Variants in STAU2 observed in about 807,000 individuals in gnomAD.
STAU2 encodes double-stranded RNA-binding protein Staufen homolog 2.
Under a neutral mutation model 65.9 loss-of-function variants are expected in STAU2, and 20 were observed. That is an observed-to-expected ratio of 0.30 (90% confidence interval 0.21 to 0.44). The LOEUF is 0.44. Among genes scored for constraint, STAU2 ranks in the 20% least tolerant of loss-of-function variants. The pLI is 1.00. For synonymous variants in STAU2, 232 were observed against 233.9 expected (o/e 0.99, Z 0.07); for missense variants, 558 against 683.9 (o/e 0.82, Z 2.05).
intron 11 of STAU2, among the ~76,000 whole-genome samples, chr8:73,585,061 T>G (rs1213139016): frequency 6.6e-6 from 1 of 152,236 alleles, no homozygotes; most frequent in African/African-American, 2.4e-5. Flanking sequence ...CCTGGAGCAG[T>G]TCTACAATTA....
chr8:73,436,241 A>C (rs1263234500), intron 13 of STAU2, among the ~76,000 whole-genome samples: 1 of 151,754 alleles, frequency 6.6e-6, no homozygotes, highest in Non-Finnish European at 1.5e-5. Flanking sequence ...GGTTTTATTG[A>C]AATAGAGGCC....
At chr8:73,714,170 T>C (rs1236421080) in intron 3 of STAU2, among the ~76,000 whole-genome samples, 1 of 152,172 alleles carries the variant, frequency 6.6e-6, no homozygotes, top group African/African-American at 2.4e-5. Context: ...CCCGAAGTGG[T>C]GGGATTACAG....
At chr8:73,520,180 G>A (rs879802678) in intron 13 of STAU2, among the ~76,000 whole-genome samples, 2 of 152,210 alleles carry the variant, frequency 1.3e-5, no homozygotes, top group Non-Finnish European at 2.9e-5. Flanking sequence ...TGGAGACATA[G>A]GCAAAGAACC....
At chr8:73,456,274 G>A (rs553362650) in intron 13 of STAU2, among the ~76,000 whole-genome samples, 1 of 152,294 alleles carries the variant, frequency 6.6e-6, no homozygotes, top group South Asian at 2.1e-4. Context: ...ATTTAAAACA[G>A]GTCCCAGTTG....
intron 4 of STAU2, among the ~76,000 whole-genome samples, chr8:73,698,295 G>C (rs1819819770): frequency 6.6e-6 from 1 of 152,016 alleles, no homozygotes; most frequent in South Asian, 2.1e-4. Flanking sequence ...AATGGCAGGA[G>C]AAAGTTCCTA....
chr8:73,567,828 C>T (rs1808729105), intron 12 of STAU2, among the ~76,000 whole-genome samples: 4 of 151,654 alleles, frequency 2.6e-5, no homozygotes, highest in Non-Finnish European at 1.5e-5. Context: ...GGATTACAGG[C>T]ATCCCACCTT....
chr8:73,593,377 C>T (rs1035588221), intron 11 of STAU2, among the ~76,000 whole-genome samples: 3 of 152,178 alleles, frequency 2.0e-5, no homozygotes, highest in Non-Finnish European at 2.9e-5. Flanking sequence ...TTTCCAGGTT[C>T]ATCCTCTAGT....
Position 73,654,637 on chromosome 8 carries a change from C to CAAAAA in STAU2, c.410+18465_410+18469dup, listed in dbSNP as rs71269928. Among the ~76,000 whole-genome samples, 242 of 26,306 alleles carry CAAAAA rather than the reference C, an allele frequency of 9.2e-3. 18 individuals are homozygous for CAAAAA. Among genetic ancestry groups the CAAAAA allele is most frequent in the African/African-American group, 0.03 (221 of 7,430 alleles). 17.3% of individuals were successfully genotyped at this position (26,306 alleles called of 152,430 possible). ...CCTAGATGACAGAACAAGATTGTCT[C>CAAAAA]AAAAAAAAAAAAAAAAAAAAAAAAG... On this transcript the variant is annotated intron_variant, in intron 6 of 14. Transcript: ENST00000524300.
At chr8:73,694,160 C>T (rs1369689977) in intron 4 of STAU2, among the ~76,000 whole-genome samples, 4 of 152,132 alleles carry the variant, frequency 2.6e-5, no homozygotes, top group African/African-American at 4.8e-5. Flanking sequence ...ATATCCTAAA[C>T]ATTTAGGCAC....
At chr8:73,700,972 C>A (rs1446528900) in intron 4 of STAU2, among the ~76,000 whole-genome samples, 1 of 152,006 alleles carries the variant, frequency 6.6e-6, no homozygotes, top group Admixed American at 6.6e-5. Context: ...AATCCACACA[C>A]CTACGATGAA....
Position 73,605,712 on chromosome 8 carries a change from A to T in STAU2, c.892-1849T>A, listed in dbSNP as rs535741851. Among the ~76,000 whole-genome samples the T allele has an allele frequency of 3.0e-4, 45 of 148,676 alleles. No individual in the cohort carries two copies. In the South Asian group the frequency reaches 9.0e-3, roughly 30 times the overall value. ...TTTTGGGGGAAAAAAAAAGACTCAG[A>T]CTACCTAATTTCAAGATTATAAAAC... On this transcript the variant is annotated intron_variant, in intron 9 of 14. Coordinates refer to ENST00000524300, the MANE Select transcript of STAU2 (RefSeq NM_001164380.2).
At chr8:73,625,866 AG>A (rs543732514) in intron 6 of STAU2, among the ~76,000 whole-genome samples, 288 of 128,354 alleles carry the variant, frequency 2.2e-3, no homozygotes, top group East Asian at 0.01. Context: ...AATTTTGTAA[AG>A]GGAAGTGTAA....
intron 13 of STAU2, among the ~76,000 whole-genome samples, chr8:73,546,006 G>A (rs1162053625): frequency 6.8e-6 from 1 of 147,246 alleles, no homozygotes; most frequent in African/African-American, 2.5e-5. Context: ...GCAGTGGTGG[G>A]GTCTTGGCTC....
intron 11 of STAU2, among the ~76,000 whole-genome samples, chr8:73,594,282 G>C (rs1811027816): frequency 1.3e-5 from 2 of 152,060 alleles, no homozygotes; most frequent in Non-Finnish European, 2.9e-5. Flanking sequence ...TCATTCAAAA[G>C]AATTGCCTAG....
chr8:73,509,533 G>A (rs925383092), intron 13 of STAU2, among the ~76,000 whole-genome samples: 6 of 152,138 alleles, frequency 3.9e-5, no homozygotes, highest in African/African-American at 1.2e-4. Flanking sequence ...GAATAACTGC[G>A]AGGGGGTAGA....
chr8:73,746,750 G>C (rs1807318553), intron 1 of STAU2, 33 bp downstream of exon 1: 1 of 1,193,230 alleles, frequency 8.4e-7, no homozygotes, highest in South Asian at 4.2e-5. Context: ...CGGAAGTCGG[G>C]GTCTCCCGGA....
chr8:73,661,370 C>T (rs936033104), intron 6 of STAU2, among the ~76,000 whole-genome samples: 2 of 152,034 alleles, frequency 1.3e-5, no homozygotes, highest in Non-Finnish European at 2.9e-5. Context: ...GCTTGAGAAG[C>T]AAAAATCTGG....
In STAU2 at chr8:73,475,539, C is replaced by T. The variant is rs114988458; in HGVS notation, c.1531-52837G>A. Among the ~76,000 whole-genome samples, 1,246 of 152,188 alleles carry T rather than the reference C, an allele frequency of 8.2e-3. 15 individuals are homozygous for T. The highest frequency in any genetic ancestry group is 0.025 in the African/African-American group (1,022 of 41,532). On this transcript the variant is annotated intron_variant, in intron 13 of 14. Coordinates refer to ENST00000524300, the MANE Select transcript of STAU2 (RefSeq NM_001164380.2). Reference sequence around the variant, plus strand: ...CTATTTTAGTAATATGGATTTTGTTCCATTTTTGAGATGTCTTAAAAACCT... The same window carrying T: ...CTATTTTAGTAATATGGATTTTGTTTCATTTTTGAGATGTCTTAAAAACCT...
At chr8:73,507,557 C>A (rs866077998) in intron 13 of STAU2, among the ~76,000 whole-genome samples, 8 of 152,254 alleles carry the variant, frequency 5.3e-5, no homozygotes, top group Middle Eastern at 6.8e-3. Flanking sequence ...GCAGATTTAG[C>A]CTAATTCTTA....
Sources: gnomAD v4.1 joint callset for allele counts (sites outside exome capture counted in the v4.1 genomes callset) on GRCh38, gnomAD v4.1.1 for gene constraint, MANE v1.5 for transcripts, NCBI Gene and HGNC (gene_info 2026-07-23, HGNC 2026-07-21) for gene names.